PCNX2: variants seen among roughly 807,000 people sequenced by gnomAD.
PCNX2 encodes the protein pecanex-like protein 2.
In PCNX2, 168 loss-of-function variants were observed where a neutral mutation model predicts 223.8. The ratio of observed to expected loss-of-function variants is 0.75; its 90% CI spans 0.66 to 0.85. The LOEUF is 0.85. PCNX2 is among the 40% of genes least tolerant of loss of function. PCNX2 has a pLI of 0.00. For synonymous variants in PCNX2, 1,006 were observed against 1,052.6 expected, an observed-to-expected ratio of 0.96 and a Z score of 0.86; for missense variants, 2,507 against 2,675.5, an observed-to-expected ratio of 0.94 and a Z score of 1.39.
chr1:233,279,236 T>G (rs1390963955), intron 1 of PCNX2, among the ~76,000 whole-genome samples: 4 of 152,086 alleles, frequency 2.6e-5, no homozygotes, highest in Non-Finnish European at 5.9e-5. Flanking sequence ...TTTGTTTGTT[T>G]GAGACAAGGT....
At chr1:233,275,903 G>A (rs184627713) in intron 1 of PCNX2, among the ~76,000 whole-genome samples, 1 of 152,148 alleles carries the variant, frequency 6.6e-6, no homozygotes, top group East Asian at 1.9e-4. Flanking sequence ...GGTGGTGTGT[G>A]CCTGTAATCC....
At chr1:233,148,961 G>T (rs967659957) in intron 19 of PCNX2, among the ~76,000 whole-genome samples, 3 of 152,232 alleles carry the variant, frequency 2.0e-5, no homozygotes, top group African/African-American at 7.2e-5. Context: ...CACCAACCAT[G>T]AAAGGCTAGA....
intron 13 of PCNX2, among the ~76,000 whole-genome samples, chr1:233,206,575 C>T (rs1681478107): frequency 6.6e-6 from 1 of 152,022 alleles, no homozygotes; most frequent in African/African-American, 2.4e-5. Flanking sequence ...TAAAAAATAT[C>T]AGGAAGGATA....
chr1:233,174,548 A>G (rs1679358098), intron 17 of PCNX2, among the ~76,000 whole-genome samples: 1 of 151,994 alleles, frequency 6.6e-6, no homozygotes, highest in African/African-American at 2.4e-5. Context: ...CTGTTCCAAC[A>G]TTCCACATCT....
chr1:233,261,161 T>G, intron 4 of PCNX2, 124 bp downstream of exon 4: 1 of 841,564 alleles, frequency 1.2e-6, no homozygotes, highest in Non-Finnish European at 1.9e-6. Flanking sequence ...AGTCAAAATA[T>G]AACTATGCAG....
intron 3 of PCNX2, 133 bp downstream of exon 3, chr1:233,261,912 T>G: frequency 7.3e-7 from 1 of 1,371,088 alleles, no homozygotes; most frequent in Non-Finnish European, 1.0e-6. Context: ...CCCTGGGATG[T>G]GATATTCCAC....
intron 21 of PCNX2, chr1:233,112,876 C>A (rs987162473): frequency 1.6e-6 from 2 of 1,288,820 alleles, no homozygotes; most frequent in Non-Finnish European, 2.0e-6. Context: ...GAGTTACTAG[C>A]GTGTATTTCA....
intron 25 of PCNX2, among the ~76,000 whole-genome samples, chr1:233,026,096 C>T (rs1265543592): frequency 6.6e-6 from 1 of 151,890 alleles, no homozygotes; most frequent in African/African-American, 2.4e-5. Context: ...AAGACAGACA[C>T]AAAAAAATAA....
At chr1:233,184,292 T>C (rs1211787690) in intron 15 of PCNX2, among the ~76,000 whole-genome samples, 1 of 151,866 alleles carries the variant, frequency 6.6e-6, no homozygotes, top group Non-Finnish European at 1.5e-5. Flanking sequence ...CACTCATCGT[T>C]GAAATGAATT....
chr1:233,142,853 T>C (rs765015613), intron 19 of PCNX2, among the ~76,000 whole-genome samples: 18 of 152,098 alleles, frequency 1.2e-4, no homozygotes, highest in Admixed American at 6.6e-5. Context: ...AGCTTCCCCA[T>C]CCCACCATCC....
At chr1:233,175,877 A>T (rs1480853922) in intron 17 of PCNX2, among the ~76,000 whole-genome samples, 1 of 152,124 alleles carries the variant, frequency 6.6e-6, no homozygotes, top group Non-Finnish European at 1.5e-5. Context: ...TTCTGACCAC[A>T]CTCAAAGGCA....
In PCNX2 at chr1:233,033,574, A is replaced by G. The variant is rs187078157; in HGVS notation, c.4352-8175T>C. ...TCCCCAGGATCCTCATAAAGAGAAC[A>G]TTGTGCAATATGGTGAACAACATCC... On this transcript the variant is annotated intron_variant, in intron 25 of 33. Coordinates refer to ENST00000258229, the MANE Select transcript of PCNX2 (RefSeq NM_014801.4). Among the ~76,000 whole-genome samples, 10 of 152,372 alleles carry G rather than the reference A, an allele frequency of 6.6e-5. No homozygotes were observed. The East Asian group carries it at 1.5e-3, about 24-fold the overall frequency.
chr1:233,240,554 A>G (rs1658702301), intron 8 of PCNX2, among the ~76,000 whole-genome samples: 1 of 152,230 alleles, frequency 6.6e-6, no homozygotes, highest in Admixed American at 6.5e-5. Flanking sequence ...TACTTAGCAC[A>G]TCTGGTCTCA....
chr1:233,310,705 A>G, the PCNX2 span, among the ~76,000 whole-genome samples: 1 of 152,200 alleles, frequency 6.6e-6, no homozygotes, highest in Non-Finnish European at 1.5e-5. Context: ...TGGGTCATTT[A>G]TAAAGAAAAG....
intron 15 of PCNX2, among the ~76,000 whole-genome samples, chr1:233,195,587 T>TAC (rs1680680417): frequency 6.6e-6 from 1 of 152,202 alleles, no homozygotes; most frequent in Non-Finnish European, 1.5e-5. Flanking sequence ...CCAGAACTAA[T>TAC]ACATTTGTTT....
In PCNX2 at chr1:233,139,286, AGT is replaced by A. The variant is rs1357356786; in HGVS notation, c.3659+426_3659+427del. Among the ~76,000 whole-genome samples, 1 of 152,224 alleles carries A rather than the reference AGT, an allele frequency of 6.6e-6. No individual in the cohort carries two copies. The highest frequency in any genetic ancestry group is 2.4e-5 in the African/African-American group (1 of 41,460). On this transcript the variant is annotated intron_variant, in intron 20 of 33. Transcript: ENST00000258229. This position sits in a 1 kb window ranked among gnomAD's most constrained non-coding sequence, Gnocchi z 4.4. Reference sequence around the variant, plus strand: ...TTCTCTTGATAAATTCAGAGACAGCAGTGACAGTGATTAATTTCCCCCTCCCA... The same window carrying A: ...TTCTCTTGATAAATTCAGAGACAGCAGACAGTGATTAATTTCCCCCTCCCA...
intron 20 of PCNX2, among the ~76,000 whole-genome samples, chr1:233,138,728 G>C (rs1676947663): frequency 1.3e-5 from 2 of 152,174 alleles, no homozygotes; most frequent in Admixed American, 6.5e-5. Flanking sequence ...AAAGAACATA[G>C]AATTCTTGCC....
At chr1:233,082,962 C>T (rs1458312275) in intron 23 of PCNX2, among the ~76,000 whole-genome samples, 1 of 152,100 alleles carries the variant, frequency 6.6e-6, no homozygotes, top group Non-Finnish European at 1.5e-5. Context: ...TGAGTTAAAA[C>T]CAGTAAGAGG....
At chr1:233,035,853 G>T (rs188988122) in intron 25 of PCNX2, among the ~76,000 whole-genome samples, 1 of 152,272 alleles carries the variant, frequency 6.6e-6, no homozygotes, top group East Asian at 1.9e-4. Context: ...CAAGATGTGT[G>T]AGACAGGGCT....
Sources: gnomAD v4.1 joint callset for allele counts (sites outside exome capture counted in the v4.1 genomes callset) on GRCh38, gnomAD v4.1.1 for gene constraint, Gnocchi (gnomAD v3.1) non-coding constraint, MANE v1.5 for transcripts, NCBI Gene and HGNC (gene_info 2026-07-23, HGNC 2026-07-21) for gene names.